Variants in RAB22A observed in about 807,000 individuals in gnomAD.
RAB22A encodes the protein RAB22A, member RAS oncogene family.
Under a neutral mutation model 30.2 loss-of-function variants are expected in RAB22A, and 13 were observed. That is an observed-to-expected ratio of 0.43 (90% CI 0.28 to 0.68). The LOEUF (loss-of-function observed/expected upper bound fraction) is 0.68. Among genes scored for constraint, RAB22A ranks in the 30% least tolerant of loss-of-function variants. The probability of loss-of-function intolerance (pLI) is 0.18; values close to 1 mark genes in which losing one functional copy is unlikely to be tolerated. For synonymous variants in RAB22A, 89 were observed against 87.2 expected, an observed-to-expected ratio of 1.02 and a Z score of -0.11; for missense variants, 177 against 246.8, an observed-to-expected ratio of 0.72 and a Z score of 1.89.
At chr20:58,343,894 C>G (rs1264367413) in intron 3 of RAB22A, 95 bp downstream of exon 3, 39 of 996,894 alleles carry the variant, frequency 3.9e-5, no homozygotes, top group Non-Finnish European at 5.9e-5. Flanking sequence ...TTACTCACTT[C>G]TCTTCTGTGC....
At chr20:58,348,189 TG>T (rs1414192520) in intron 3 of RAB22A, among the ~76,000 whole-genome samples, 1 of 151,990 alleles carries the variant, frequency 6.6e-6, no homozygotes, top group African/African-American at 2.4e-5. Flanking sequence ...ATCGCACCAC[TG>T]CACTCCAGCC....
intron 2 of RAB22A, among the ~76,000 whole-genome samples, chr20:58,340,943 A>T (rs1443731417): frequency 6.6e-6 from 1 of 152,138 alleles, no homozygotes; most frequent in Non-Finnish European, 1.5e-5. Context: ...ACACAGGGAC[A>T]ATTGAAAAGA....
chr20:58,324,285 AT>A (rs1986515013), intron 2 of RAB22A, among the ~76,000 whole-genome samples: 1 of 140,088 alleles, frequency 7.1e-6, no homozygotes, highest in African/African-American at 2.9e-5. Context: ...TTTCTCTTGT[AT>A]TGGTTTTAAT....
At chr20:58,315,421 C>T (rs1055113817) in intron 2 of RAB22A, among the ~76,000 whole-genome samples, 1 of 152,146 alleles carries the variant, frequency 6.6e-6, no homozygotes, top group African/African-American at 2.4e-5. Flanking sequence ...TGTGTTCTTC[C>T]CTAAGGGCTC....
chr20:58,325,361 C>G (rs888794662), intron 2 of RAB22A, among the ~76,000 whole-genome samples: 5 of 152,042 alleles, frequency 3.3e-5, no homozygotes, highest in African/African-American at 1.2e-4. Context: ...CCTGTAATCC[C>G]AGCTACTGGG....
chr20:58,341,981 A>G (rs1294775354), intron 2 of RAB22A, among the ~76,000 whole-genome samples: 1 of 152,222 alleles, frequency 6.6e-6, no homozygotes, highest in Non-Finnish European at 1.5e-5. Flanking sequence ...TTTTAGGACT[A>G]ATTGCAAAGT....
intron 3 of RAB22A, chr20:58,345,480 A>T (rs996183850): frequency 8.5e-5 from 13 of 152,214 alleles, no homozygotes; most frequent in African/African-American, 2.7e-4. Flanking sequence ...TGCCTGATGC[A>T]CCATCACACA....
Position 58,364,166 on chromosome 20 carries a change from A to C in RAB22A, c.*4463A>C, listed in dbSNP as rs1021896984. ...TAAGAGAATGATAAGTGAGAGGCCT[A>C]TTGTGATGAAGTTGCATTGGACATA... On this transcript the variant is annotated 3_prime_UTR_variant, in exon 7 of 7. Transcript: ENST00000244040. 1.3e-5 allele frequency: 2 copies of C among 152,646 alleles called. No homozygotes were observed. The highest frequency in any genetic ancestry group is 4.8e-5 in the African/African-American group (2 of 41,458). 9.5% of individuals were successfully genotyped at this position (152,646 alleles called of 1,614,324 possible).
intron 2 of RAB22A, among the ~76,000 whole-genome samples, chr20:58,329,568 T>C (rs974288424): frequency 6.6e-5 from 10 of 152,228 alleles, no homozygotes; most frequent in African/African-American, 2.4e-4. Context: ...TAATTTACTT[T>C]AATATGCTAA....
intron 2 of RAB22A, 25 bp downstream of exon 2, chr20:58,311,147 A>T (rs758349586): frequency 6.5e-7 from 1 of 1,532,078 alleles, no homozygotes; most frequent in Non-Finnish European, 9.0e-7. Context: ...TTTGATACAC[A>T]TCTAAAGGTG....
Position 58,365,646 on chromosome 20 carries a change from A to C in RAB22A, c.*5943A>C, listed in dbSNP as rs180872570. 2.0e-5 allele frequency: 3 copies of C among 152,276 alleles called. No homozygotes were observed. The highest frequency in any genetic ancestry group is 4.4e-5 in the Non-Finnish European group (3 of 68,198). 9.4% of individuals were successfully genotyped at this position (152,276 alleles called of 1,614,324 possible). On this transcript the variant is annotated 3_prime_UTR_variant, in exon 7 of 7. Coordinates refer to ENST00000244040, the MANE Select transcript of RAB22A (RefSeq NM_020673.3). ...TAATCGGCAGCTGGCTAGTCAGAGC[A>C]ACTGATGGGTGGCTTTTTTTTCTTT... is the stretch of plus-strand genomic sequence containing the variant.
rs376744400 is a variant in RAB22A at position 58,334,129 on chromosome 20, G to C, written c.117-9589G>C. Among the ~76,000 whole-genome samples the C allele has an allele frequency of 2.0e-4, 31 of 152,118 alleles. No homozygotes were observed. The East Asian group carries it at 3.5e-3, about 17-fold the overall frequency. On this transcript the variant is annotated intron_variant, in intron 2 of 6. Transcript: ENST00000244040. ...GTGGATCACCTGAGGTCAGGAGTTT[G>C]AGACCACCCTGGCCAACATGGTGAA...
chr20:58,315,208 G>T (rs1006842228), intron 2 of RAB22A, among the ~76,000 whole-genome samples: 11 of 152,090 alleles, frequency 7.2e-5, no homozygotes, highest in African/African-American at 2.7e-4. Context: ...GCAGTCTCCT[G>T]GCCTCTCATA....
intron 2 of RAB22A, among the ~76,000 whole-genome samples, chr20:58,339,984 C>T (rs564533554): frequency 6.6e-6 from 1 of 152,230 alleles, no homozygotes; most frequent in East Asian, 1.9e-4. Context: ...CCAGGTGTTA[C>T]CACTACGGAA....
chr20:58,321,013 A>T (rs554671585), intron 2 of RAB22A, among the ~76,000 whole-genome samples: 1 of 152,124 alleles, frequency 6.6e-6, no homozygotes, highest in Non-Finnish European at 1.5e-5. Flanking sequence ...AACATGGTAA[A>T]ACCCCGTGTC....
intron 2 of RAB22A, among the ~76,000 whole-genome samples, chr20:58,312,612 C>T (rs987203726): frequency 3.3e-5 from 5 of 149,800 alleles, no homozygotes; most frequent in Non-Finnish European, 7.4e-5. Flanking sequence ...CCTCAGCCTC[C>T]CGAGTAGCTG....
chr20:58,330,414 C>T (rs1033959336), intron 2 of RAB22A, among the ~76,000 whole-genome samples: 5 of 151,914 alleles, frequency 3.3e-5, no homozygotes, highest in Admixed American at 2.0e-4. Context: ...CTCATTCCAG[C>T]GTCTGGATCA....
At chr20:58,359,082 A>T (rs764319939) in intron 6 of RAB22A, among the ~76,000 whole-genome samples, 3 of 152,080 alleles carry the variant, frequency 2.0e-5, no homozygotes, top group African/African-American at 7.2e-5. Context: ...TTGTGCATAT[A>T]TGTCTCTGGA....
chr20:58,359,265 T>C (rs1318310835), intron 6 of RAB22A, among the ~76,000 whole-genome samples: 1 of 152,172 alleles, frequency 6.6e-6, no homozygotes, highest in Non-Finnish European at 1.5e-5. Flanking sequence ...CTGTGTGATA[T>C]CCTTGTTTGG....
Sources: allele counts gnomAD v4.1 joint callset (sites outside exome capture counted in the v4.1 genomes callset), GRCh38; gene constraint gnomAD v4.1.1; transcripts MANE v1.5; gene names NCBI Gene and HGNC (gene_info 2026-07-23, HGNC 2026-07-21).